The following LRRK2 variants were observed in gnomAD, a reference collection of about 807,000 sequenced individuals.
LRRK2 encodes leucine-rich repeat serine/threonine-protein kinase 2.
A neutral mutation model predicts 302.6 loss-of-function variants in LRRK2; 203 were observed. The ratio of observed to expected loss-of-function variants is 0.67; its 90% CI spans 0.60 to 0.75. LRRK2 has a LOEUF of 0.75. Ranked by LOEUF, LRRK2 falls within the 30% of genes least tolerant of loss-of-function variation. The pLI, the probability that LRRK2 is intolerant of heterozygous loss-of-function variation, is 0.00. For missense variants in LRRK2, 2,830 were observed against 2,951.0 expected (o/e 0.96, Z 0.95); for synonymous variants, 1,066 against 1,031.9 (o/e 1.03, Z -0.63).
rs540767992 is a variant in LRRK2 at position 40,276,943 on chromosome 12, T to C, written c.1942-945T>C. ...TGCCTCCTGGGCCCATCCTCCTGGG[T>C]GGGCTCAAGTGATCCACCTCAGCCT... On this transcript the variant is annotated intron_variant, in intron 16 of 50. Transcript: ENST00000298910. 3.9e-5 allele frequency among the ~76,000 whole-genome samples: 6 copies of C among 152,208 alleles called. No individual in the cohort carries two copies. The South Asian group carries it at 1.0e-3, about 26-fold the overall frequency.
intron 16 of LRRK2, among the ~76,000 whole-genome samples, chr12:40,277,546 C>G (rs376336536): frequency 6.6e-6 from 1 of 152,142 alleles, no homozygotes; most frequent in Non-Finnish European, 1.5e-5. Context: ...GCTGATCCAA[C>G]CGCTTTAATC....
At chr12:40,316,709 T>G (rs979712306) in intron 33 of LRRK2, among the ~76,000 whole-genome samples, 1 of 152,054 alleles carries the variant, frequency 6.6e-6, no homozygotes, top group Non-Finnish European at 1.5e-5. Context: ...TATTTGGCAA[T>G]TTAAAGAATG....
At chr12:40,291,838 C>T (rs976060046) in intron 20 of LRRK2, among the ~76,000 whole-genome samples, 4 of 151,972 alleles carry the variant, frequency 2.6e-5, no homozygotes, top group African/African-American at 9.7e-5. Flanking sequence ...GTTGCCTTTT[C>T]AGTTTTATCT....
chr12:40,247,557 GA>G (rs1942046672), intron 7 of LRRK2, among the ~76,000 whole-genome samples: 2 of 86,278 alleles, frequency 2.3e-5, no homozygotes, highest in Non-Finnish European at 5.5e-5. Flanking sequence ...TTTATACACA[GA>G]TGTATATAAA....
Position 40,298,478 on chromosome 12 carries a change from A to G in LRRK2, c.3332A>G (p.Gln1111Arg). 2.5e-6 allele frequency: 4 copies of G among 1,613,986 alleles called. No homozygotes were observed. Among genetic ancestry groups the G allele is most frequent in the Non-Finnish European group, 3.4e-6 (4 of 1,179,960 alleles). Residue 1111 changes from glutamine (Q) to arginine (R), a missense_variant, in exon 24 of 51, where the codon CAG (glutamine) becomes CGG (arginine). Coordinates refer to ENST00000298910, the MANE Select transcript of LRRK2 (RefSeq NM_198578.4). ...NLTDVVEKLE[Q>R]LILEGNKISG... Reference sequence around the variant, plus strand: ...ACTGATGTGGTAGAGAAACTGGAGCAGCTCATTTTAGAAGGGTAAGAAAGA... The same window carrying G: ...ACTGATGTGGTAGAGAAACTGGAGCGGCTCATTTTAGAAGGGTAAGAAAGA...
intron 15 of LRRK2, 36 bp from the exon 16 acceptor site, chr12:40,274,818 G>C: frequency 6.2e-7 from 1 of 1,608,956 alleles, no homozygotes; most frequent in South Asian, 1.1e-5. Context: ...CTTCAGTTTT[G>C]AGATTTAAAA....
rs1565681284 is a variant in LRRK2, at chr12:40,251,394, T to C, written c.1101+20T>C. The C allele has an allele frequency of 6.2e-7, 1 of 1,613,578 alleles. No individual in the cohort carries two copies. The highest frequency in any genetic ancestry group is 8.5e-7 in the Non-Finnish European group (1 of 1,179,562). ...GTGCAGGTAGGACTCTCATAAATAT[T>C]AGAGTTATTCAAAATTATGTTTTCC... On this transcript the variant is annotated intron_variant, in intron 9 of 50. Transcript: ENST00000298910.
chr12:40,295,360 A>G, intron 22 of LRRK2, 67 bp from the exon 23 acceptor site: 1 of 1,487,894 alleles, frequency 6.7e-7, no homozygotes, highest in South Asian at 1.1e-5. Flanking sequence ...GGTGCTCACT[A>G]AACTTTTACT....
chr12:40,293,801 T>C, intron 21 of LRRK2, 138 bp downstream of exon 21: 1 of 612,786 alleles, frequency 1.6e-6, no homozygotes, highest in African/African-American at 1.9e-5. Context: ...GAGATTTTTA[T>C]ATATGTAATA....
intron 3 of LRRK2, among the ~76,000 whole-genome samples, chr12:40,233,420 A>C (rs1343880532): frequency 6.6e-6 from 1 of 152,162 alleles, no homozygotes; most frequent in Non-Finnish European, 1.5e-5. Flanking sequence ...ATTTAGACAA[A>C]TTAGAGCTAT....
intron 31 of LRRK2, among the ~76,000 whole-genome samples, chr12:40,312,143 T>A (rs941695131): frequency 6.6e-6 from 1 of 152,116 alleles, no homozygotes; most frequent in Non-Finnish European, 1.5e-5. Context: ...ACAGATAAGA[T>A]GGTTCATTAA....
intron 40 of LRRK2, among the ~76,000 whole-genome samples, chr12:40,339,578 C>T (rs1410186874): frequency 1.3e-5 from 2 of 152,048 alleles, no homozygotes; most frequent in African/African-American, 4.8e-5. Context: ...TAATATTACC[C>T]GTCATCTTTT....
At chr12:40,285,110 G>C (rs1286147980) in intron 19 of LRRK2, among the ~76,000 whole-genome samples, 1 of 151,980 alleles carries the variant, frequency 6.6e-6, no homozygotes, top group Non-Finnish European at 1.5e-5. Flanking sequence ...TCTTTTTCCA[G>C]TGTTACTCTC....
chr12:40,293,771 T>C (rs1390709764), intron 21 of LRRK2, 108 bp downstream of exon 21: 28 of 742,152 alleles, frequency 3.8e-5, no homozygotes, highest in Non-Finnish European at 5.8e-5. Context: ...ATTTCCCTGA[T>C]GTATGAAAAC....
chr12:40,335,221 T>A, intron 40 of LRRK2, 64 bp downstream of exon 40: 1 of 1,529,670 alleles, frequency 6.5e-7, no homozygotes, highest in Non-Finnish European at 9.0e-7. Context: ...TGCTCTCAGG[T>A]TCTGAGAACA....
intron 34 of LRRK2, among the ~76,000 whole-genome samples, chr12:40,320,563 A>G (rs967468445): frequency 3.3e-5 from 5 of 152,046 alleles, no homozygotes; most frequent in Admixed American, 1.3e-4. Flanking sequence ...AAAAGCATTT[A>G]TGGCATCACA....
At chr12:40,253,468 C>T (rs1942370083) in intron 11 of LRRK2, among the ~76,000 whole-genome samples, 1 of 152,130 alleles carries the variant, frequency 6.6e-6, no homozygotes, top group Non-Finnish European at 1.5e-5. Flanking sequence ...TCACTACAAC[C>T]TCAAACTTTT....
chr12:40,294,942 A>C, intron 22 of LRRK2, 28 bp downstream of exon 22: 1 of 1,354,518 alleles, frequency 7.4e-7, no homozygotes, highest in East Asian at 2.3e-5. Flanking sequence ...ATCATAAGTA[A>C]ATAGATATTT....
At chr12:40,305,589 T>TA (rs1225514191) in intron 27 of LRRK2, among the ~76,000 whole-genome samples, 196 bp from the exon 28 acceptor site, 2 of 152,160 alleles carry the variant, frequency 1.3e-5, no homozygotes, top group Non-Finnish European at 2.9e-5. Context: ...AGTAAGTTTT[T>TA]ATATGTAAGT....
Sources: allele counts gnomAD v4.1 joint callset (sites outside exome capture counted in the v4.1 genomes callset), GRCh38; gene constraint gnomAD v4.1.1; transcripts MANE v1.5; gene names NCBI Gene and HGNC (gene_info 2026-07-23, HGNC 2026-07-21).